Variants in CAST observed in about 807,000 individuals in gnomAD.
CAST encodes the protein calpastatin.
Under a neutral mutation model 119.6 loss-of-function variants are expected in CAST, and 76 were observed. The observed-to-expected ratio is 0.64, with a 90% CI of 0.53 to 0.77. The LOEUF (loss-of-function observed/expected upper bound fraction) is 0.77, where lower values mean the gene tolerates loss of function less well. Among genes scored for constraint, CAST ranks in the 30% least tolerant of loss-of-function variants. The probability of loss-of-function intolerance (pLI) is 0.00; values close to 1 mark genes in which losing one functional copy is unlikely to be tolerated. For synonymous variants in CAST, 319 were observed against 331.6 expected (o/e 0.96, Z 0.41); for missense variants, 953 against 946.5 (o/e 1.01, Z -0.09).
rs1464131831 is a variant in CAST at position 96,561,936 on chromosome 5, A to G, written c.60+32056A>G. ...GCCTCCCGAGTAGCTGGGACTACAGACGCCCGCTACCACGCCCGGCTAATT... is the reference window on the plus strand; with the variant it reads ...GCCTCCCGAGTAGCTGGGACTACAGGCGCCCGCTACCACGCCCGGCTAATT... On this transcript the variant is annotated intron_variant, in intron 1 of 11. Transcript: ENST00000505143. Among the ~76,000 whole-genome samples the G allele has an allele frequency of 1.5e-4, 10 of 66,568 alleles. 1 individual carries two copies. Among genetic ancestry groups the G allele is most frequent in the East Asian group, 5.3e-4 (2 of 3,790 alleles). The allele number at this position is 66,568 out of a possible 152,430, so 43.7% of individuals were successfully genotyped here. A position where few individuals can be genotyped will look rare whatever the true frequency, so the allele number is the denominator to read the frequency against.
chr5:96,338,451 A>G, the CAST span, among the ~76,000 whole-genome samples: 1 of 152,174 alleles, frequency 6.6e-6, no homozygotes, highest in African/African-American at 2.4e-5. Context: ...TTCTGTAGGT[A>G]GTGGTTACAA....
intron 1 of CAST, among the ~76,000 whole-genome samples, chr5:96,620,206 G>A (rs759953163): frequency 6.6e-6 from 1 of 151,836 alleles, no homozygotes; most frequent in Non-Finnish European, 1.5e-5. Flanking sequence ...ACAATCATAT[G>A]CCCCAAATCC....
intron 1 of CAST, among the ~76,000 whole-genome samples, chr5:96,609,313 T>G (rs1747317634): frequency 6.6e-6 from 1 of 152,238 alleles, no homozygotes; most frequent in South Asian, 2.1e-4. Flanking sequence ...GAAGCATCTT[T>G]GCTTTTAATG....
the CAST span, among the ~76,000 whole-genome samples, chr5:96,416,279 T>C: frequency 1.3e-5 from 2 of 152,356 alleles, no homozygotes; most frequent in South Asian, 4.1e-4. Flanking sequence ...AAACTTATGT[T>C]CAGATGAAGG....
chr5:96,107,718 C>G, the CAST span, among the ~76,000 whole-genome samples: 2 of 152,122 alleles, frequency 1.3e-5, no homozygotes, highest in East Asian at 3.8e-4. Flanking sequence ...TTGCTCTTCT[C>G]AAGGAGTATC....
At chr5:95,971,431 T>C in the CAST span, among the ~76,000 whole-genome samples, 1 of 152,230 alleles carries the variant, frequency 6.6e-6, no homozygotes, top group African/African-American at 2.4e-5. Flanking sequence ...GAAAATTTAC[T>C]ATAAAATATT....
At chr5:96,399,860 G>A in the CAST span, 1 of 935,842 alleles carries the variant, frequency 1.1e-6, no homozygotes, top group Non-Finnish European at 1.7e-6. Flanking sequence ...TACTTCAGAA[G>A]GGTAGATACA....
At chr5:96,278,209 C>T in the CAST span, among the ~76,000 whole-genome samples, 2 of 152,216 alleles carry the variant, frequency 1.3e-5, no homozygotes, top group Non-Finnish European at 2.9e-5. Flanking sequence ...AGACATCTAG[C>T]CTTCCCTCAT....
chr5:96,040,322 A>G, the CAST span, among the ~76,000 whole-genome samples: 6 of 152,124 alleles, frequency 3.9e-5, no homozygotes, highest in African/African-American at 9.7e-5. Context: ...CTGCAAACAG[A>G]GACAATTTGA....
chr5:96,150,522 G>A, the CAST span, among the ~76,000 whole-genome samples: 1 of 152,168 alleles, frequency 6.6e-6, no homozygotes, highest in African/African-American at 2.4e-5. Flanking sequence ...GAATCTGGGG[G>A]ACTTGGGGAC....
At chr5:96,087,995 A>G in the CAST span, among the ~76,000 whole-genome samples, 3 of 152,194 alleles carry the variant, frequency 2.0e-5, no homozygotes, top group East Asian at 5.8e-4. Flanking sequence ...AACTCCCAAC[A>G]ATGCCTCCAT....
intron 21 of CAST, 53 bp downstream of exon 21, chr5:96,754,214 C>A: frequency 9.5e-7 from 1 of 1,052,274 alleles, no homozygotes; most frequent in Non-Finnish European, 1.5e-6. Flanking sequence ...TCACCTTCTC[C>A]CCCTGCAAAT....
intron 1 of CAST, among the ~76,000 whole-genome samples, chr5:96,604,640 A>G (rs1747217852): frequency 6.6e-6 from 1 of 152,228 alleles, no homozygotes; most frequent in Admixed American, 6.5e-5. Context: ...TTAAAGGAAT[A>G]TGGAATGATT....
the CAST span, among the ~76,000 whole-genome samples, chr5:96,180,596 A>G: frequency 1.3e-5 from 2 of 152,258 alleles, no homozygotes; most frequent in Non-Finnish European, 2.9e-5. Flanking sequence ...TAAAACGAGA[A>G]AAGGGGAAAT....
At chr5:96,044,981 G>A in the CAST span, among the ~76,000 whole-genome samples, 2 of 152,208 alleles carry the variant, frequency 1.3e-5, no homozygotes, top group Admixed American at 1.3e-4. Flanking sequence ...TAGTAACTGG[G>A]ACAGGCCTTC....
chr5:96,381,448 T>C, the CAST span, among the ~76,000 whole-genome samples: 1 of 152,336 alleles, frequency 6.6e-6, no homozygotes, highest in African/African-American at 2.4e-5. Context: ...TAAATTATTC[T>C]TGGATAATTT....
At chr5:96,263,044 T>G in the CAST span, among the ~76,000 whole-genome samples, 2 of 152,194 alleles carry the variant, frequency 1.3e-5, no homozygotes, top group Non-Finnish European at 2.9e-5. Flanking sequence ...AGGCAGTAGT[T>G]CTTAGCCCTG....
At chr5:96,465,521 C>T in the CAST span, among the ~76,000 whole-genome samples, 12 of 152,094 alleles carry the variant, frequency 7.9e-5, no homozygotes, top group African/African-American at 2.9e-4. Context: ...CTTTTTTTAG[C>T]TTTCTTTTCA....
At chr5:96,670,695 A>G (rs1247081470) in intron 1 of CAST, among the ~76,000 whole-genome samples, 1 of 152,122 alleles carries the variant, frequency 6.6e-6, no homozygotes, top group Non-Finnish European at 1.5e-5. Context: ...ACAGGGTTTT[A>G]CCATATTGGC....
Sources: allele counts gnomAD v4.1 joint callset (sites outside exome capture counted in the v4.1 genomes callset), GRCh38; gene constraint gnomAD v4.1.1; transcripts MANE v1.5; gene names NCBI Gene and HGNC (gene_info 2026-07-23, HGNC 2026-07-21).